SLC28A3: variants seen among roughly 807,000 people sequenced by gnomAD.
SLC28A3 encodes the protein solute carrier family 28 member 3, also known as concentrative Na(+)-nucleoside cotransporter 3.
Under a neutral mutation model 84.2 loss-of-function variants are expected in SLC28A3, and 68 were observed. That is an observed-to-expected ratio of 0.81 (90% CI 0.66 to 0.99). The LOEUF is 0.99. Ranked by LOEUF, SLC28A3 falls within the 50% of genes least tolerant of loss-of-function variation. The pLI is 0.00. For missense variants in SLC28A3, 712 were observed against 841.5 expected (o/e 0.85, Z 1.90); for synonymous variants, 267 against 303.6 (o/e 0.88, Z 1.25).
At chr9:84,284,541 G>C (rs1180027066) in intron 14 of SLC28A3, among the ~76,000 whole-genome samples, 1 of 152,172 alleles carries the variant, frequency 6.6e-6, no homozygotes, top group African/African-American at 2.4e-5. Flanking sequence ...TACATGCCTG[G>C]AACATTAATT....
At chr9:84,312,745 G>T (rs1826033853) in intron 2 of SLC28A3, among the ~76,000 whole-genome samples, 1 of 151,958 alleles carries the variant, frequency 6.6e-6, no homozygotes, top group South Asian at 2.1e-4. Flanking sequence ...CACCATGTTG[G>T]CCAGGCTGGT....
chr9:84,302,230 A>G lies in SLC28A3; in HGVS notation c.494T>C (p.Leu165Pro), dbSNP rs1564158288. ...CAGCCAGAACCAATGGCTGTTTAGA[A>G]GCCTTCTGCCAGGAGACAGCATCTC... Reference protein sequence around the residue: ...IDEMLSPGRRLLNSHWFWLKW... With the variant: ...IDEMLSPGRRPLNSHWFWLKW... The change falls in exon 5 of 18, where the codon CTT becomes CCT. Residue 165 changes from leucine (L) to proline (P), a missense_variant. By Grantham distance (98) the Leu-to-Pro change is moderately conservative. Transcript: ENST00000376238. 1 of 1,614,180 alleles carries G rather than the reference A, an allele frequency of 6.2e-7. No homozygotes were observed. Among genetic ancestry groups the G allele is most frequent in the Admixed American group, 1.7e-5 (1 of 60,026 alleles).
chr9:84,356,828 C>T, the SLC28A3 span, among the ~76,000 whole-genome samples: 1 of 150,060 alleles, frequency 6.7e-6, no homozygotes, highest in Non-Finnish European at 1.5e-5. Flanking sequence ...GAGACTCTGT[C>T]TCAAAAAAAT....
intron 16 of SLC28A3, 88 bp downstream of exon 16, chr9:84,279,887 G>T: frequency 7.9e-7 from 1 of 1,270,336 alleles, no homozygotes; most frequent in Non-Finnish European, 1.1e-6. Flanking sequence ...GGCAGCGTGT[G>T]CTGCACATGC....
chr9:84,315,287 T>C (rs1370586039), intron 1 of SLC28A3, among the ~76,000 whole-genome samples: 1 of 152,186 alleles, frequency 6.6e-6, no homozygotes, highest in African/African-American at 2.4e-5. Flanking sequence ...CACAGGTCAC[T>C]GAGGGGCTAG....
chr9:84,285,187 G>A (rs2118087676), intron 14 of SLC28A3, among the ~76,000 whole-genome samples, 158 bp downstream of exon 14: 1 of 152,324 alleles, frequency 6.6e-6, no homozygotes, highest in South Asian at 2.1e-4. Context: ...GAAGTGCTAT[G>A]TACATTATAA....
intron 14 of SLC28A3, among the ~76,000 whole-genome samples, chr9:84,284,708 G>A (rs1345569558): frequency 6.6e-6 from 1 of 152,176 alleles, no homozygotes; most frequent in Non-Finnish European, 1.5e-5. Flanking sequence ...CCAAAGGCCA[G>A]GCAGATGTGA....
In SLC28A3 at chr9:84,340,693, C is replaced by T. The variant is rs34446125; in HGVS notation, c.-60G>A. On this transcript the variant is annotated 5_prime_UTR_variant, in exon 1 of 18. Coordinates refer to ENST00000376238, the MANE Select transcript of SLC28A3 (RefSeq NM_001199633.2). ...GTCCTTTGTACCTGGGAAAAAGCACCAGTCTCTGCTGATGTCAGAAAGCCA... is the reference window on the plus strand; with the variant it reads ...GTCCTTTGTACCTGGGAAAAAGCACTAGTCTCTGCTGATGTCAGAAAGCCA... The T allele has an allele frequency of 1.8e-3, 2,883 of 1,602,294 alleles. 4 individuals are homozygous for T. The highest frequency in any genetic ancestry group is 2.1e-3 in the Non-Finnish European group (2,468 of 1,170,410).
At chr9:84,300,450 G>C (rs1006432526) in intron 5 of SLC28A3, among the ~76,000 whole-genome samples, 2 of 152,204 alleles carry the variant, frequency 1.3e-5, no homozygotes, top group African/African-American at 4.8e-5. Context: ...ACCAGCGGCC[G>C]AGAGGGAGAT....
At chr9:84,360,645 C>T in the SLC28A3 span, among the ~76,000 whole-genome samples, 1 of 152,076 alleles carries the variant, frequency 6.6e-6, no homozygotes, top group African/African-American at 2.4e-5. Context: ...AGGCTGGGTG[C>T]CGTGGCTTAT....
At chr9:84,291,090 A>C (rs1825202118) in intron 10 of SLC28A3, among the ~76,000 whole-genome samples, 1 of 152,204 alleles carries the variant, frequency 6.6e-6, no homozygotes. Flanking sequence ...GTGCAATTTT[A>C]CAATTTTCTC....
chr9:84,330,820 A>G (rs57409783), intron 1 of SLC28A3, among the ~76,000 whole-genome samples: 79,337 of 152,014 alleles, frequency 0.52, 20,874 homozygotes, highest in Middle Eastern at 0.6. Context: ...AGTTAAAATA[A>G]GGTGAAGAGT....
chr9:84,358,237 G>T, the SLC28A3 span, among the ~76,000 whole-genome samples: 1 of 152,308 alleles, frequency 6.6e-6, no homozygotes, highest in East Asian at 1.9e-4. Context: ...CCATACAGGG[G>T]AGAGAGTCCA....
Position 84,334,117 on chromosome 9 carries a change from C to G in SLC28A3, c.60+6457G>C, listed in dbSNP as rs540135466. 2.6e-5 allele frequency among the ~76,000 whole-genome samples: 4 copies of G among 152,230 alleles called. No individual in the cohort carries two copies. In the South Asian group the frequency reaches 8.3e-4, roughly 32 times the overall value. Reference sequence around the variant, plus strand: ...GTCAGGAGTTTGAGACCAGCCTGGCCAACAGGGTGAAACCCCGTCTCTACT... The same window carrying G: ...GTCAGGAGTTTGAGACCAGCCTGGCGAACAGGGTGAAACCCCGTCTCTACT... On this transcript the variant is annotated intron_variant, in intron 1 of 17. Coordinates refer to ENST00000376238, the MANE Select transcript of SLC28A3 (RefSeq NM_001199633.2).
At chr9:84,357,465 A>G in the SLC28A3 span, among the ~76,000 whole-genome samples, 1 of 151,900 alleles carries the variant, frequency 6.6e-6, no homozygotes, top group East Asian at 2.0e-4. Flanking sequence ...TGTATTAATT[A>G]CAGGAAGTAA....
intron 14 of SLC28A3, among the ~76,000 whole-genome samples, chr9:84,281,508 G>C (rs542288907): frequency 6.6e-6 from 1 of 152,330 alleles, no homozygotes; most frequent in East Asian, 1.9e-4. Context: ...GATGTGAAGT[G>C]ACTAGAAGTT....
intron 16 of SLC28A3, 56 bp from the exon 17 acceptor site, chr9:84,279,441 T>G (rs935422415): frequency 1.1e-5 from 14 of 1,218,506 alleles, no homozygotes; most frequent in Admixed American, 3.6e-5. Context: ...ATTTATGTAT[T>G]TATATATTTA....
intron 1 of SLC28A3, among the ~76,000 whole-genome samples, chr9:84,329,662 A>T (rs1826700937): frequency 1.3e-5 from 2 of 148,210 alleles, no homozygotes; most frequent in Admixed American, 1.3e-4. Context: ...ACAGAGTGAG[A>T]CTCTGTCTTA....
intron 11 of SLC28A3, 50 bp from the exon 12 acceptor site, chr9:84,288,228 TG>T: frequency 6.2e-7 from 1 of 1,610,966 alleles, no homozygotes; most frequent in South Asian, 1.1e-5. Context: ...TTTTTTCTTG[TG>T]TTCAGAGGAA....
Sources: allele counts gnomAD v4.1 joint callset (sites outside exome capture counted in the v4.1 genomes callset), GRCh38; gene constraint gnomAD v4.1.1; transcripts MANE v1.5; gene names NCBI Gene and HGNC (gene_info 2026-07-23, HGNC 2026-07-21).